ANK1: variants seen among roughly 807,000 people sequenced by gnomAD.
ANK1 encodes ankyrin 1.
Under a neutral mutation model 210.4 loss-of-function variants are expected in ANK1, and 51 were observed. That is an observed-to-expected ratio of 0.24 (90% CI 0.19 to 0.31). The LOEUF (loss-of-function observed/expected upper bound fraction) is 0.31. ANK1 is among the 10% of genes least tolerant of loss of function. The probability of loss-of-function intolerance (pLI) is 1.00; values close to 1 mark genes in which losing one functional copy is unlikely to be tolerated. For missense variants in ANK1, 2,051 were observed against 2,504.4 expected (o/e 0.82, Z 3.86); for synonymous variants, 967 against 1,025.9 (o/e 0.94, Z 1.10).
At chr8:41,894,984 T>C (rs6991375) in intron 1 of ANK1, among the ~76,000 whole-genome samples, 8,921 of 151,764 alleles carry the variant, frequency 0.059, 659 homozygotes, top group African/African-American at 0.16. Context: ...TCAAGGGAGG[T>C]GGGGACGTCA....
chr8:41,781,575 G>GC (rs1845335010), intron 1 of ANK1, among the ~76,000 whole-genome samples: 1 of 152,224 alleles, frequency 6.6e-6, no homozygotes, highest in Non-Finnish European at 1.5e-5. Flanking sequence ...GAATAAGCAT[G>GC]CCTCAGTCCC....
intron 1 of ANK1, among the ~76,000 whole-genome samples, chr8:41,793,158 C>T (rs1459926551): frequency 2.0e-5 from 3 of 152,212 alleles, no homozygotes; most frequent in Non-Finnish European, 4.4e-5. Flanking sequence ...GGGAAGCTCA[C>T]TGGAGGCCAG....
intron 1 of ANK1, among the ~76,000 whole-genome samples, chr8:41,760,391 A>G (rs1338726193): frequency 1.3e-5 from 2 of 152,206 alleles, no homozygotes; most frequent in African/African-American, 4.8e-5. Flanking sequence ...GCCTGCTGCC[A>G]TGTAAGACAT....
At chr8:41,752,803 C>CCCCG (rs879899836) in intron 2 of ANK1, among the ~76,000 whole-genome samples, 1 of 151,656 alleles carries the variant, frequency 6.6e-6, no homozygotes, top group Admixed American at 6.6e-5. Context: ...CACAGGCCCC[C>CCCCG]CCCCACTGCA....
At chr8:41,788,886 C>T (rs1451006899) in intron 1 of ANK1, 1 of 152,292 alleles carries the variant, frequency 6.6e-6, no homozygotes, top group African/African-American at 2.4e-5. Context: ...CAAACCAGCT[C>T]CTCTCTATCT....
At chr8:41,733,670 G>A (rs950780217) in intron 3 of ANK1, among the ~76,000 whole-genome samples, 2 of 152,200 alleles carry the variant, frequency 1.3e-5, no homozygotes, top group South Asian at 2.1e-4. Flanking sequence ...CCTGATTGGC[G>A]CTTCCAGAGC....
At chr8:41,740,977 A>G (rs997949238) in intron 2 of ANK1, among the ~76,000 whole-genome samples, 14 of 152,128 alleles carry the variant, frequency 9.2e-5, no homozygotes, top group Non-Finnish European at 1.9e-4. Flanking sequence ...GGGACAGGGC[A>G]GGTGAGGATG....
At chr8:41,826,228 TAG>T (rs1805344991) in intron 1 of ANK1, among the ~76,000 whole-genome samples, 1 of 152,182 alleles carries the variant, frequency 6.6e-6, no homozygotes, top group African/African-American at 2.4e-5. Flanking sequence ...CCTATTTTTC[TAG>T]AAAAGGCTAC....
At chr8:41,840,194 C>T (rs1296782090) in intron 1 of ANK1, 3 of 152,088 alleles carry the variant, frequency 2.0e-5, no homozygotes, top group South Asian at 4.1e-4. Context: ...CTTTAGGCAA[C>T]GTGCTGGTCC....
intron 1 of ANK1, among the ~76,000 whole-genome samples, 170 bp from the exon 2 acceptor site, chr8:41,758,307 C>G (rs1423653301): frequency 6.6e-6 from 1 of 152,192 alleles, no homozygotes; most frequent in Non-Finnish European, 1.5e-5. Flanking sequence ...GTTGGACTGC[C>G]TTCACACCCA....
At chr8:41,765,186 C>A (rs1005831575) in intron 1 of ANK1, among the ~76,000 whole-genome samples, 8 of 146,016 alleles carry the variant, frequency 5.5e-5, no homozygotes, top group African/African-American at 2.0e-4. Flanking sequence ...TTCTTTCTTT[C>A]TTTCTTTTTC....
rs957441208 is a variant in ANK1, at chr8:41,797,392, G to C, written c.27+120C>G. 5 of 878,298 alleles carry C rather than the reference G, an allele frequency of 5.7e-6. No individual in the cohort carries two copies. Among genetic ancestry groups the C allele is most frequent in the Admixed American group, 2.1e-5 (1 of 48,476 alleles). 54.4% of individuals were successfully genotyped at this position (878,298 alleles called of 1,614,324 possible). Reference sequence around the variant, plus strand: ...GCTATGCTAAGGCAGGGAGCCCACGGGGAGGCGAGGCGGGTGGGGTGTGCA... The same window carrying C: ...GCTATGCTAAGGCAGGGAGCCCACGCGGAGGCGAGGCGGGTGGGGTGTGCA... On this transcript the variant is annotated intron_variant, in intron 1 of 42. Coordinates refer to ENST00000289734, the MANE Select transcript of ANK1 (RefSeq NM_000037.4). The surrounding 1 kb of genome is among the most constrained non-coding windows in gnomAD (Gnocchi z 4.0).
Position 41,840,853 on chromosome 8 carries a change from C to T in ANK1, c.126+55502G>A, listed in dbSNP as rs527598271. ...GTGGCCCGCTTGAAACGTCGGTAAT[C>T]CTTCCTTTCACCTCATGCCTGTTAG... On this transcript the variant is annotated intron_variant, in intron 1 of 42. Coordinates refer to the ANK1 transcript ENST00000265709. Among the ~76,000 whole-genome samples the T allele has an allele frequency of 9.8e-5, 15 of 152,294 alleles. No individual in the cohort carries two copies. The South Asian group carries it at 2.5e-3, about 25-fold the overall frequency.
chr8:41,865,036 C>T (rs1039091615), intron 1 of ANK1, among the ~76,000 whole-genome samples: 1 of 152,196 alleles, frequency 6.6e-6, no homozygotes, highest in Non-Finnish European at 1.5e-5. Flanking sequence ...GGGGATCACC[C>T]CCATTCCTAC....
intron 2 of ANK1, among the ~76,000 whole-genome samples, chr8:41,752,762 C>T (rs1349059305): frequency 1.3e-5 from 2 of 151,188 alleles, no homozygotes; most frequent in African/African-American, 2.4e-5. Flanking sequence ...ATCCAAGATG[C>T]CCACACGTCC....
chr8:41,852,836 T>G (rs1811511089), intron 1 of ANK1, among the ~76,000 whole-genome samples: 1 of 152,202 alleles, frequency 6.6e-6, no homozygotes. Context: ...TGCCTGGGTT[T>G]GCCCAAGGCC....
chr8:41,710,742 G>C (rs964019727), intron 16 of ANK1, among the ~76,000 whole-genome samples: 4 of 152,246 alleles, frequency 2.6e-5, no homozygotes. Context: ...GCTGAGGACT[G>C]AGTTCTCCCT....
At chr8:41,710,515 G>T (rs1255355161) in intron 16 of ANK1, among the ~76,000 whole-genome samples, 3 of 152,236 alleles carry the variant, frequency 2.0e-5, no homozygotes, top group African/African-American at 7.2e-5. Context: ...GAGGGCCCGA[G>T]ATTGTGCATT....
chr8:41,877,401 G>A (rs1816791981), intron 1 of ANK1, among the ~76,000 whole-genome samples: 1 of 152,230 alleles, frequency 6.6e-6, no homozygotes, highest in South Asian at 2.1e-4. Flanking sequence ...TGAGACCCTG[G>A]GCGAGTTGCT....
Sources: allele counts gnomAD v4.1 joint callset (sites outside exome capture counted in the v4.1 genomes callset), GRCh38; gene constraint gnomAD v4.1.1; non-coding constraint Gnocchi (gnomAD v3.1); transcripts MANE v1.5; gene names NCBI Gene and HGNC (gene_info 2026-07-23, HGNC 2026-07-21).